FAM107B: variants seen among roughly 807,000 people sequenced by gnomAD.
FAM107B encodes protein FAM107B.
Under a neutral mutation model 31.5 loss-of-function variants are expected in FAM107B, and 21 were observed. The ratio of observed to expected loss-of-function variants is 0.67; its 90% CI spans 0.47 to 0.96. FAM107B has a LOEUF of 0.96. Ranked by LOEUF, FAM107B falls within the 40% of genes least tolerant of loss-of-function variation. FAM107B has a pLI of 0.00. For synonymous variants in FAM107B, 157 were observed against 141.5 expected (o/e 1.11, Z -0.78); for missense variants, 452 against 377.1 (o/e 1.20, Z -1.64).
At chr10:14,723,690 A>T in intron 1 of FAM107B, 1 of 753,686 alleles carries the variant, frequency 1.3e-6, no homozygotes, top group Non-Finnish European at 2.4e-6. Flanking sequence ...CAGTAACCAC[A>T]AGAAGTCATG....
At chr10:14,579,352 G>A (rs1023218552) in intron 2 of FAM107B, among the ~76,000 whole-genome samples, 4 of 152,244 alleles carry the variant, frequency 2.6e-5, no homozygotes, top group African/African-American at 9.6e-5. Flanking sequence ...CAATGCTGAA[G>A]AAACCGTATA....
At position 14,710,738 on chromosome 10, in the gene FAM107B, A is replaced by G. The variant is rs142879626; in HGVS notation, c.412-43047T>C. Among the ~76,000 whole-genome samples the G allele has an allele frequency of 4.0e-3, 602 of 152,302 alleles. 5 individuals are homozygous for G. Among genetic ancestry groups the G allele is most frequent in the Non-Finnish European group, 6.6e-3 (451 of 68,024 alleles). The stretch of plus-strand genomic sequence containing the variant: ...CAAAAAGTAAAAAATAAATTTTTTT[A>G]AAAAGAAACAAGATTATAGAGTATG... On this transcript the variant is annotated intron_variant, in intron 1 of 4. Coordinates refer to ENST00000181796, the MANE Select transcript of FAM107B (RefSeq NM_031453.4).
At chr10:14,570,233 G>GGGGTGT (rs1554835078) in intron 2 of FAM107B, among the ~76,000 whole-genome samples, 9,876 of 140,394 alleles carry the variant, frequency 0.07, 349 homozygotes, top group Non-Finnish European at 0.086. Flanking sequence ...AAATGTGGTG[G>GGGGTGT]GTGTGTGTGT....
At chr10:14,751,373 C>T (rs1832824495) in intron 1 of FAM107B, among the ~76,000 whole-genome samples, 1 of 152,178 alleles carries the variant, frequency 6.6e-6, no homozygotes, top group Admixed American at 6.5e-5. Flanking sequence ...CCTGTGCTTG[C>T]TTTTGTGAGC....
intron 1 of FAM107B, among the ~76,000 whole-genome samples, chr10:14,754,425 C>T (rs1832889179): frequency 6.6e-6 from 1 of 152,178 alleles, no homozygotes. Flanking sequence ...GCAGAGTGGT[C>T]TTATCCCTTA....
chr10:14,728,486 GTGGC>G (rs1171710346), intron 1 of FAM107B, among the ~76,000 whole-genome samples: 2 of 152,126 alleles, frequency 1.3e-5, no homozygotes, highest in East Asian at 3.9e-4. Context: ...TGCATTCCAA[GTGGC>G]TGCAGAAGTC....
chr10:14,691,440 G>T (rs189636976), intron 1 of FAM107B, among the ~76,000 whole-genome samples: 5 of 152,206 alleles, frequency 3.3e-5, no homozygotes, highest in Non-Finnish European at 5.9e-5. Context: ...GAGTGGTAAG[G>T]CTGCTGCTTC....
At chr10:14,677,608 G>A (rs972838304) in intron 1 of FAM107B, among the ~76,000 whole-genome samples, 9 of 151,736 alleles carry the variant, frequency 5.9e-5, no homozygotes, top group African/African-American at 1.7e-4. Context: ...GCGACAGAGC[G>A]AGACTCCGTC....
intron 2 of FAM107B, among the ~76,000 whole-genome samples, chr10:14,583,287 G>A (rs1851712388): frequency 6.6e-6 from 1 of 152,078 alleles, no homozygotes; most frequent in Admixed American, 6.6e-5. Flanking sequence ...TATCCCTTCT[G>A]CTTGGCTAAC....
chr10:14,667,384 GTGTT>G (rs1395381524), intron 2 of FAM107B, among the ~76,000 whole-genome samples: 1 of 152,198 alleles, frequency 6.6e-6, no homozygotes, highest in African/African-American at 2.4e-5. Flanking sequence ...TTCTTTGCAA[GTGTT>G]TGTTCATCAA....
chr10:14,762,466 C>T (rs1302155828), intron 1 of FAM107B, among the ~76,000 whole-genome samples: 1 of 152,094 alleles, frequency 6.6e-6, no homozygotes, highest in Non-Finnish European at 1.5e-5. Flanking sequence ...CAACAGTATT[C>T]AAGAGACGTG....
At chr10:14,732,540 A>G (rs1856198222) in intron 1 of FAM107B, among the ~76,000 whole-genome samples, 1 of 152,126 alleles carries the variant, frequency 6.6e-6, no homozygotes, top group African/African-American at 2.4e-5. Context: ...AATGTATGTA[A>G]AAGTATTTCT....
intron 1 of FAM107B, among the ~76,000 whole-genome samples, chr10:14,697,239 T>C (rs1277018685): frequency 6.6e-6 from 1 of 152,200 alleles, no homozygotes; most frequent in African/African-American, 2.4e-5. Flanking sequence ...CATCAGCTCA[T>C]AGCCAACTCT....
intron 1 of FAM107B, among the ~76,000 whole-genome samples, chr10:14,753,878 T>TA (rs147607437): frequency 0.084 from 12,334 of 147,262 alleles, 522 homozygotes; most frequent in South Asian, 0.11. Context: ...ATACTATGGC[T>TA]AAAAAAAAAA....
intron 4 of FAM107B, 92 bp downstream of exon 4, chr10:14,521,777 C>G: frequency 6.6e-7 from 1 of 1,511,214 alleles, no homozygotes; most frequent in Non-Finnish European, 8.9e-7. Context: ...AATGTATACA[C>G]TGGCACGTCT....
chr10:14,682,105 T>A (rs2131496143), intron 1 of FAM107B, among the ~76,000 whole-genome samples: 1 of 152,356 alleles, frequency 6.6e-6, no homozygotes, highest in African/African-American at 2.4e-5. Context: ...ATGCAAAGCC[T>A]CTTTCTGGAG....
At chr10:14,728,039 C>G (rs1012436637) in intron 1 of FAM107B, among the ~76,000 whole-genome samples, 5 of 152,148 alleles carry the variant, frequency 3.3e-5, no homozygotes, top group African/African-American at 1.2e-4. Context: ...TTCACTGCCA[C>G]CCTCCTCCCC....
At chr10:14,556,494 G>A (rs1169511300) in intron 2 of FAM107B, 2 of 850,834 alleles carry the variant, frequency 2.4e-6, no homozygotes, top group Non-Finnish European at 2.8e-6. Context: ...CCGACCTAAC[G>A]AGAGCTCAGC....
chr10:14,676,983 A>G (rs1190079386), intron 1 of FAM107B, among the ~76,000 whole-genome samples: 2 of 152,246 alleles, frequency 1.3e-5, no homozygotes, highest in East Asian at 3.9e-4. Context: ...CCAACTCAGG[A>G]CAACTCTAAC....
Sources: gnomAD v4.1 joint callset for allele counts (sites outside exome capture counted in the v4.1 genomes callset) on GRCh38, gnomAD v4.1.1 for gene constraint, MANE v1.5 for transcripts, NCBI Gene and HGNC (gene_info 2026-07-23, HGNC 2026-07-21) for gene names.